Variants in SLC44A5 observed in about 807,000 individuals in gnomAD.
The protein encoded by SLC44A5 is choline transporter-like protein 5.
A neutral mutation model predicts 101.8 loss-of-function variants in SLC44A5; 57 were observed. The observed-to-expected ratio is 0.56, with a 90% confidence interval of 0.45 to 0.70. The LOEUF is 0.70. Ranked by LOEUF, SLC44A5 falls within the 30% of genes least tolerant of loss-of-function variation. The probability of loss-of-function intolerance (pLI) is 0.00; values close to 1 mark genes in which losing one functional copy is unlikely to be tolerated. For missense variants in SLC44A5, 737 were observed against 853.1 expected, an observed-to-expected ratio of 0.86 and a Z score of 1.70; for synonymous variants, 281 against 290.9, an observed-to-expected ratio of 0.97 and a Z score of 0.35.
chr1:75,444,532 C>T (rs760348996), intron 2 of SLC44A5, among the ~76,000 whole-genome samples: 8 of 122,304 alleles, frequency 6.5e-5, no homozygotes, highest in East Asian at 2.2e-4. Flanking sequence ...TGCTGAAGAT[C>T]GAAGGAGACA....
chr1:75,653,865 G>A, the SLC44A5 span, among the ~76,000 whole-genome samples: 1 of 152,186 alleles, frequency 6.6e-6, no homozygotes, highest in Non-Finnish European at 1.5e-5. Context: ...CACCTACAAT[G>A]GCAGGACAGA....
At chr1:75,643,492 G>GA in the SLC44A5 span, among the ~76,000 whole-genome samples, 1 of 152,040 alleles carries the variant, frequency 6.6e-6, no homozygotes, top group African/African-American at 2.4e-5. Context: ...TAACATGATA[G>GA]AAAAAAGATG....
chr1:75,699,770 G>A, the SLC44A5 span, among the ~76,000 whole-genome samples: 10 of 152,190 alleles, frequency 6.6e-5, no homozygotes, highest in Middle Eastern at 3.4e-3. Flanking sequence ...CATCTCACGT[G>A]CAGAGACACA....
chr1:75,362,999 G>A lies in SLC44A5; in HGVS notation c.53-23369C>T, dbSNP rs981696527. ...TTAATTGCTTTATATATTTAGGTTG[G>A]GTGCATATATATTTACAATTTGCAT... On this transcript the variant is annotated intron_variant, in intron 3 of 23. Coordinates refer to ENST00000370859, the MANE Select transcript of SLC44A5 (RefSeq NM_001130058.2). Among the ~76,000 whole-genome samples the A allele has an allele frequency of 3.3e-5, 5 of 151,888 alleles. No individual in the cohort carries two copies. In the East Asian group the frequency reaches 9.7e-4, roughly 29 times the overall value.
intron 1 of SLC44A5, among the ~76,000 whole-genome samples, chr1:75,570,129 C>T (rs1672998063): frequency 6.6e-6 from 1 of 152,204 alleles, no homozygotes; most frequent in Non-Finnish European, 1.5e-5. Context: ...CACCAGACTG[C>T]TCATGGACAG....
intron 3 of SLC44A5, among the ~76,000 whole-genome samples, chr1:75,378,853 G>T (rs1412812773): frequency 1.2e-5 from 1 of 81,554 alleles, no homozygotes; most frequent in Non-Finnish European, 2.1e-5. Context: ...CTGAACTTCA[G>T]TATCGGCCAC....
intron 7 of SLC44A5, among the ~76,000 whole-genome samples, chr1:75,250,506 G>T (rs1649478964): frequency 6.6e-6 from 1 of 152,048 alleles, no homozygotes; most frequent in South Asian, 2.1e-4. Context: ...ATATTCCCTT[G>T]GGTATATACC....
chr1:75,375,453 G>A (rs752196989), intron 3 of SLC44A5, among the ~76,000 whole-genome samples: 1 of 152,192 alleles, frequency 6.6e-6, no homozygotes, highest in Non-Finnish European at 1.5e-5. Flanking sequence ...TTTTGCGAAA[G>A]AAGTTGACAT....
At chr1:75,248,959 T>C (rs1260663334) in intron 7 of SLC44A5, among the ~76,000 whole-genome samples, 5 of 152,120 alleles carry the variant, frequency 3.3e-5, no homozygotes, top group African/African-American at 1.2e-4. Flanking sequence ...AGCAATACTT[T>C]GGATGGGTTA....
In SLC44A5 at chr1:75,459,901, T is replaced by A. The variant is rs1562043; in HGVS notation, c.14-63280A>T. Among the ~76,000 whole-genome samples the A allele has an allele frequency of 7.8e-3, 1,184 of 152,308 alleles. 15 individuals are homozygous for A. Among genetic ancestry groups the A allele is most frequent in the South Asian group, 0.039 (190 of 4,820 alleles). On this transcript the variant is annotated intron_variant, in intron 2 of 23. Transcript: ENST00000370859. ...TCCTGGGCTCAAGAAATCCTCCTGC[T>A]GCAGTTGGAACTACAGGAGGCACGT...
chr1:75,670,429 T>G, the SLC44A5 span, among the ~76,000 whole-genome samples: 1 of 152,112 alleles, frequency 6.6e-6, no homozygotes, highest in Non-Finnish European at 1.5e-5. Flanking sequence ...TGAAAGGGAA[T>G]TTGCCTTCTT....
chr1:75,595,513 C>T (rs536084858), intron 1 of SLC44A5, among the ~76,000 whole-genome samples: 2 of 151,974 alleles, frequency 1.3e-5, no homozygotes, highest in Admixed American at 1.3e-4. Context: ...AAATGAAAAC[C>T]ATAATAGTTA....
chr1:75,579,437 T>C (rs574832558), intron 1 of SLC44A5, among the ~76,000 whole-genome samples: 126 of 152,264 alleles, frequency 8.3e-4, no homozygotes, highest in Non-Finnish European at 1.6e-3. Context: ...AGCAAGACTG[T>C]CTCCATAAAT....
At chr1:75,249,803 AG>A (rs1649411139) in intron 7 of SLC44A5, among the ~76,000 whole-genome samples, 1 of 152,156 alleles carries the variant, frequency 6.6e-6, no homozygotes. Context: ...GGGAAGAAGA[AG>A]TGTGTTCTGG....
intron 1 of SLC44A5, among the ~76,000 whole-genome samples, chr1:75,562,555 G>A (rs211703): frequency 0.79 from 119,492 of 151,852 alleles, 47,304 homozygotes; most frequent in East Asian, 0.95. Context: ...AAAATTAGCC[G>A]AGTATGGTGA....
At chr1:75,492,059 C>G (rs191975401) in intron 2 of SLC44A5, among the ~76,000 whole-genome samples, 1 of 152,208 alleles carries the variant, frequency 6.6e-6, no homozygotes, top group East Asian at 1.9e-4. Flanking sequence ...GGTATGTTAC[C>G]TGTTTTAATG....
chr1:75,350,577 A>G (rs1322059945), intron 3 of SLC44A5, among the ~76,000 whole-genome samples: 3 of 151,230 alleles, frequency 2.0e-5, no homozygotes, highest in African/African-American at 7.3e-5. Context: ...TGCTATATGT[A>G]TATACAAAAA....
chr1:75,360,189 C>A (rs1490120882), intron 3 of SLC44A5, among the ~76,000 whole-genome samples: 1 of 152,024 alleles, frequency 6.6e-6, no homozygotes, highest in Non-Finnish European at 1.5e-5. Context: ...TCTCATTTGT[C>A]CATTTTTGCT....
intron 2 of SLC44A5, among the ~76,000 whole-genome samples, chr1:75,425,619 T>C (rs1664263370): frequency 6.6e-6 from 1 of 152,222 alleles, no homozygotes; most frequent in African/African-American, 2.4e-5. Context: ...AAGTGTGTCC[T>C]AGTCAATCTA....
Sources: gnomAD v4.1 joint callset for allele counts (sites outside exome capture counted in the v4.1 genomes callset) on GRCh38, gnomAD v4.1.1 for gene constraint, MANE v1.5 for transcripts, NCBI Gene and HGNC (gene_info 2026-07-23, HGNC 2026-07-21) for gene names.